The following WDR25 variants were observed in gnomAD, a reference collection of about 807,000 sequenced individuals.
The protein encoded by WDR25 is WD repeat domain 25.
A neutral mutation model predicts 47.7 loss-of-function variants in WDR25; 35 were observed. The observed-to-expected ratio is 0.73, with a 90% CI of 0.56 to 0.97. WDR25 has a LOEUF of 0.97. Among genes scored for constraint, WDR25 ranks in the 50% least tolerant of loss-of-function variants. The pLI is 0.00. For missense variants in WDR25, 634 were observed against 704.7 expected (o/e 0.90, Z 1.14); for synonymous variants, 248 against 278.9 (o/e 0.89, Z 1.10).
intron 2 of WDR25, among the ~76,000 whole-genome samples, chr14:100,420,103 G>A (rs1184792836): frequency 6.6e-6 from 1 of 152,182 alleles, no homozygotes; most frequent in African/African-American, 2.4e-5. Context: ...CCCCTCACAA[G>A]GCCTAGTTGC....
rs776848385 is a variant in WDR25 at position 100,468,124 on chromosome 14, G to A, written c.926G>A (p.Ser309Asn). The A allele has an allele frequency of 6.2e-7, 1 of 1,613,556 alleles. No individual in the cohort carries two copies. The highest frequency in any genetic ancestry group is 1.3e-5 in the African/African-American group (1 of 74,944). The change falls in exon 3 of 7, where the codon AGT becomes AAT. Residue 309 changes from serine to asparagine, a missense_variant. Transcript: ENST00000402312. The surrounding 1 kb of genome is among the most constrained non-coding windows in gnomAD (Gnocchi z 4.5). The part of the protein sequence containing the change: ...RWAPCGRRIL[S>N]GGFDFALHLT... ...GCTCCCTGTGGCCGGCGCATCCTCA[G>A]TGGTGGCTTTGACTTCGCGCTGCAC... is the stretch of plus-strand genomic sequence containing the variant.
At chr14:100,398,760 T>TTTA (rs1897313582) in intron 2 of WDR25, among the ~76,000 whole-genome samples, 1 of 148,770 alleles carries the variant, frequency 6.7e-6, no homozygotes, top group Non-Finnish European at 1.5e-5. Flanking sequence ...TAATAAGTAA[T>TTTA]TTGTTTTTTT....
At chr14:100,386,317 A>G (rs1897016320) in intron 2 of WDR25, among the ~76,000 whole-genome samples, 13 of 152,234 alleles carry the variant, frequency 8.5e-5, no homozygotes. Flanking sequence ...CGGGGGCCCT[A>G]CATTCCTATC....
chr14:100,513,056 G>A (rs756609445), intron 4 of WDR25, among the ~76,000 whole-genome samples: 1 of 152,192 alleles, frequency 6.6e-6, no homozygotes, highest in Admixed American at 6.5e-5. Flanking sequence ...GTGTTCTGTG[G>A]TTGTTGGGTG....
intron 4 of WDR25, among the ~76,000 whole-genome samples, chr14:100,493,832 G>T (rs1390972357): frequency 6.6e-6 from 1 of 152,146 alleles, no homozygotes. Flanking sequence ...GGACATGAGG[G>T]TGGAGCCCAT....
intron 2 of WDR25, among the ~76,000 whole-genome samples, chr14:100,456,791 C>G (rs1347502246): frequency 6.6e-6 from 1 of 152,030 alleles, no homozygotes; most frequent in Non-Finnish European, 1.5e-5. Context: ...GTGGAGTCCT[C>G]AAAGAAGGGT....
chr14:100,383,317 G>A (rs1896947818), intron 2 of WDR25, among the ~76,000 whole-genome samples: 1 of 152,224 alleles, frequency 6.6e-6, no homozygotes, highest in Non-Finnish European at 1.5e-5. Context: ...GGCATCCCTG[G>A]CGTGGATCAC....
chr14:100,377,292 A>AGTTGTT (rs56705876), intron 1 of WDR25, among the ~76,000 whole-genome samples: 48 of 151,416 alleles, frequency 3.2e-4, no homozygotes, highest in South Asian at 6.3e-4. Flanking sequence ...TGGCTTTAGA[A>AGTTGTT]GTTGTTGTTG....
intron 2 of WDR25, among the ~76,000 whole-genome samples, chr14:100,396,637 G>T (rs1897266145): frequency 6.6e-6 from 1 of 152,234 alleles, no homozygotes; most frequent in South Asian, 2.1e-4. Flanking sequence ...GGACAGTAGT[G>T]CTCAGAGGAA....
At position 100,500,826 on chromosome 14, in the gene WDR25, T is replaced by C. The variant is rs6575785; in HGVS notation, c.1101+16702T>C. Among the ~76,000 whole-genome samples, 20,780 of 152,232 alleles carry C rather than the reference T, an allele frequency of 0.14. 4,528 individuals carry two copies. Among genetic ancestry groups the C allele is most frequent in the African/African-American group, 0.46 (19,166 of 41,482 alleles). On this transcript the variant is annotated intron_variant, in intron 4 of 6. Transcript: ENST00000402312. This position sits in a 1 kb window ranked among gnomAD's most constrained non-coding sequence, Gnocchi z 4.7. ...GCATTGTTAGAGCCTAGTTTTAATT[T>C]GTGCCTCCGCTATAAAGTAAGGGAA...
At chr14:100,432,817 G>T (rs571488729) in intron 2 of WDR25, among the ~76,000 whole-genome samples, 1 of 152,360 alleles carries the variant, frequency 6.6e-6, no homozygotes, top group East Asian at 1.9e-4. Flanking sequence ...GTTAGACAGT[G>T]TTGTGGTGGG....
intron 2 of WDR25, among the ~76,000 whole-genome samples, chr14:100,447,520 A>G (rs1168700011): frequency 2.6e-5 from 4 of 151,980 alleles, no homozygotes; most frequent in Non-Finnish European, 4.4e-5. Flanking sequence ...CTGAGGTCAC[A>G]TTTTACTTGT....
chr14:100,519,654 A>G (rs1043397349), intron 4 of WDR25, among the ~76,000 whole-genome samples: 15 of 147,058 alleles, frequency 1.0e-4, no homozygotes, highest in Admixed American at 3.5e-4. Context: ...TATGTAGTCT[A>G]TATATATACA....
intron 1 of WDR25, among the ~76,000 whole-genome samples, 165 bp from the exon 2 acceptor site, chr14:100,380,745 C>G (rs1360186991): frequency 6.6e-6 from 1 of 152,200 alleles, no homozygotes; most frequent in Non-Finnish European, 1.5e-5. Context: ...CCACCCACCT[C>G]GGCCTCCTGA....
intron 3 of WDR25, among the ~76,000 whole-genome samples, chr14:100,474,690 C>T (rs58909112): frequency 0.034 from 5,225 of 152,268 alleles, 306 homozygotes; most frequent in African/African-American, 0.12. Flanking sequence ...TTGGAACATT[C>T]GGTCTTGTCC....
chr14:100,511,878 T>C (rs192054603), intron 4 of WDR25, among the ~76,000 whole-genome samples: 2 of 152,350 alleles, frequency 1.3e-5, no homozygotes, highest in East Asian at 1.9e-4. Context: ...GTGGTTTTTT[T>C]ATTCTGTTAA....
intron 2 of WDR25, among the ~76,000 whole-genome samples, chr14:100,450,458 T>C (rs1898990650): frequency 6.6e-6 from 1 of 152,222 alleles, no homozygotes; most frequent in Admixed American, 6.5e-5. Flanking sequence ...ATCTTTCTCT[T>C]CCACTAGACT....
intron 3 of WDR25, chr14:100,476,355 T>G (rs1900016675): frequency 6.6e-6 from 1 of 152,258 alleles, no homozygotes; most frequent in African/African-American, 2.4e-5. Context: ...TGAGTCAGGA[T>G]GGCTAAATTT....
intron 3 of WDR25, among the ~76,000 whole-genome samples, chr14:100,474,808 A>G (rs1899963084): frequency 6.6e-6 from 1 of 152,254 alleles, no homozygotes. Flanking sequence ...GCATCAAACT[A>G]AAAAGCTTCT....
Sources: allele counts gnomAD v4.1 joint callset (sites outside exome capture counted in the v4.1 genomes callset), GRCh38; gene constraint gnomAD v4.1.1; non-coding constraint Gnocchi (gnomAD v3.1); transcripts MANE v1.5; gene names NCBI Gene and HGNC (gene_info 2026-07-23, HGNC 2026-07-21).